PPM1E: variants seen among roughly 807,000 people sequenced by gnomAD.
The protein encoded by PPM1E is protein phosphatase 1E.
Under a neutral mutation model 65.9 loss-of-function variants are expected in PPM1E, and 20 were observed. That is an observed-to-expected ratio of 0.30 (90% CI 0.21 to 0.44). The LOEUF (loss-of-function observed/expected upper bound fraction) is 0.44. Among genes scored for constraint, PPM1E ranks in the 20% least tolerant of loss-of-function variants. The pLI is 1.00. For missense variants in PPM1E, 713 were observed against 953.1 expected (o/e 0.75, Z 3.32); for synonymous variants, 352 against 374.9 (o/e 0.94, Z 0.70).
At chr17:58,811,389 T>G (rs1482938465) in intron 1 of PPM1E, among the ~76,000 whole-genome samples, 3 of 152,220 alleles carry the variant, frequency 2.0e-5, no homozygotes, top group Non-Finnish European at 2.9e-5. Context: ...GACTCTGCCT[T>G]TTAACGCAGA....
chr17:58,883,522 C>T (rs1350922047), intron 1 of PPM1E, among the ~76,000 whole-genome samples: 2 of 134,424 alleles, frequency 1.5e-5, no homozygotes, highest in South Asian at 2.3e-4. Context: ...CTCGCTCTGT[C>T]GCCCAGGCTG....
chr17:58,771,001 C>T (rs1222109544), intron 1 of PPM1E, among the ~76,000 whole-genome samples: 4 of 151,860 alleles, frequency 2.6e-5, no homozygotes, highest in African/African-American at 4.8e-5. Context: ...GGACTACAGG[C>T]GCATGCCACC....
chr17:58,815,750 C>T (rs2050408690), intron 1 of PPM1E, among the ~76,000 whole-genome samples: 1 of 152,096 alleles, frequency 6.6e-6, no homozygotes, highest in South Asian at 2.1e-4. Context: ...ATATTATATG[C>T]TAATCATTAT....
In PPM1E at chr17:58,825,260, AC is replaced by A. The variant is rs1567844895; in HGVS notation, c.464+68800del. Among the ~76,000 whole-genome samples the A allele has an allele frequency of 8.9e-4, 134 of 150,412 alleles. 1 individual carries two copies. Among genetic ancestry groups the A allele is most frequent in the African/African-American group, 1.5e-3 (62 of 40,302 alleles). ...CACACACACACACACACACACACAC[AC>A]ACAAAAATAAATAGAATGAAATATC... On this transcript the variant is annotated intron_variant, in intron 1 of 6. Transcript: ENST00000308249.
intron 1 of PPM1E, among the ~76,000 whole-genome samples, chr17:58,917,017 C>T (rs925440919): frequency 1.3e-5 from 2 of 151,990 alleles, no homozygotes; most frequent in East Asian, 1.9e-4. Flanking sequence ...TGAGACCAGC[C>T]GAGCCAACAT....
At chr17:58,931,066 T>TAAAAAAAAAAAAAAAAAAAA (rs774968022) in intron 1 of PPM1E, among the ~76,000 whole-genome samples, 2 of 83,128 alleles carry the variant, frequency 2.4e-5, no homozygotes, top group African/African-American at 9.3e-5. Flanking sequence ...ATACAAAAAT[T>TAAAAAAAAAAAAAAAAAAAA]AAAAAAAAAA....
chr17:58,980,943 G>A lies in PPM1E; in HGVS notation c.2180G>A (p.Trp727Ter). Residue 727 changes from tryptophan to a stop codon, truncating the protein, a stop_gained, in exon 7 of 7, where the codon TGG becomes TAG. Coordinates refer to ENST00000308249, the MANE Select transcript of PPM1E (RefSeq NM_014906.5). LOFTEE classifies it high-confidence loss of function. This position sits in a 1 kb window ranked among gnomAD's most constrained non-coding sequence, Gnocchi z 4.7. The stretch of plus-strand genomic sequence containing the variant: ...TCTCTGCCATGGAGGCAAAATAGTT[G>A]GAAAGGGTACAGTGAAAACATGAGG... ...RSSLPWRQNS[W>*]KGYSENMRKL... The A allele has an allele frequency of 1.2e-6, 2 of 1,614,178 alleles. No individual in the cohort carries two copies. The highest frequency in any genetic ancestry group is 1.7e-6 in the Non-Finnish European group (2 of 1,180,024).
chr17:58,906,620 G>A (rs1017543721), intron 1 of PPM1E, among the ~76,000 whole-genome samples: 3 of 152,122 alleles, frequency 2.0e-5, no homozygotes, highest in African/African-American at 7.2e-5. Flanking sequence ...TTACAGGTAT[G>A]AGCCACTGTG....
intron 1 of PPM1E, among the ~76,000 whole-genome samples, chr17:58,824,485 A>C (rs1225686092): frequency 1.3e-5 from 2 of 152,160 alleles, no homozygotes; most frequent in Middle Eastern, 3.2e-3. Flanking sequence ...TTTTAATGGA[A>C]TCAATCACTT....
chr17:58,812,094 G>A (rs2050373969), intron 1 of PPM1E, among the ~76,000 whole-genome samples: 1 of 151,830 alleles, frequency 6.6e-6, no homozygotes, highest in Non-Finnish European at 1.5e-5. Flanking sequence ...AATAAACACA[G>A]GACAGATGTC....
In PPM1E at chr17:58,925,892, G is replaced by GC. The variant is rs2051817970; in HGVS notation, c.465-29756dup. Among the ~76,000 whole-genome samples the GC allele has an allele frequency of 2.0e-5, 3 of 152,044 alleles. No homozygotes were observed. The South Asian group carries it at 6.2e-4, about 32-fold the overall frequency. On this transcript the variant is annotated intron_variant, in intron 1 of 6. Transcript: ENST00000308249. ...ACTGATCTGTAGGTGGCAATAAGGA[G>GC]CAAGTCCCTAAAAAAATACATATAT...
intron 1 of PPM1E, among the ~76,000 whole-genome samples, chr17:58,903,523 A>C (rs2051521357): frequency 6.6e-6 from 1 of 152,198 alleles, no homozygotes; most frequent in African/African-American, 2.4e-5. Flanking sequence ...ATCTTCTGTA[A>C]ATAATGGAAC....
intron 1 of PPM1E, among the ~76,000 whole-genome samples, chr17:58,765,175 CTTTCT>C (rs1224675087): frequency 9.1e-5 from 13 of 142,870 alleles, no homozygotes; most frequent in African/African-American, 2.6e-4. Flanking sequence ...ATTTTTCTTT[CTTTCT>C]TTTTTTTTTT....
intron 1 of PPM1E, among the ~76,000 whole-genome samples, chr17:58,815,637 A>G (rs769768114): frequency 2.0e-5 from 3 of 152,172 alleles, no homozygotes; most frequent in Non-Finnish European, 2.9e-5. Flanking sequence ...AAAAGTTTTC[A>G]TATCAGATTA....
At chr17:58,884,482 C>T (rs957293840) in intron 1 of PPM1E, among the ~76,000 whole-genome samples, 3 of 152,094 alleles carry the variant, frequency 2.0e-5, no homozygotes, top group African/African-American at 4.8e-5. Flanking sequence ...TTCTCTTTTC[C>T]TCCTTATCCT....
At chr17:58,896,216 C>T (rs1216966718) in intron 1 of PPM1E, among the ~76,000 whole-genome samples, 1 of 152,036 alleles carries the variant, frequency 6.6e-6, no homozygotes, top group Non-Finnish European at 1.5e-5. Flanking sequence ...AAGCAAAATT[C>T]CCTTAAGCCA....
At chr17:58,808,908 A>G (rs1040620651) in intron 1 of PPM1E, among the ~76,000 whole-genome samples, 3 of 152,186 alleles carry the variant, frequency 2.0e-5, no homozygotes, top group Admixed American at 2.0e-4. Context: ...AAATACACAA[A>G]GTTGACAAAA....
chr17:58,920,430 T>C (rs1452983894), intron 1 of PPM1E, among the ~76,000 whole-genome samples: 1 of 152,184 alleles, frequency 6.6e-6, no homozygotes, highest in African/African-American at 2.4e-5. Context: ...TTAAGCATTC[T>C]ACTCTCCTCC....
intron 2 of PPM1E, among the ~76,000 whole-genome samples, chr17:58,962,099 A>G (rs1325694921): frequency 6.6e-6 from 1 of 152,126 alleles, no homozygotes; most frequent in Admixed American, 6.6e-5. Context: ...AGCCTGACTA[A>G]CATGGAGAAA....
Sources: allele counts gnomAD v4.1 joint callset (sites outside exome capture counted in the v4.1 genomes callset), GRCh38; gene constraint gnomAD v4.1.1; non-coding constraint Gnocchi (gnomAD v3.1); transcripts MANE v1.5; gene names NCBI Gene and HGNC (gene_info 2026-07-23, HGNC 2026-07-21).